Variants in SUZ12 observed in about 807,000 individuals in gnomAD.
SUZ12 encodes polycomb protein SUZ12.
Under a neutral mutation model 87.3 loss-of-function variants are expected in SUZ12, and 17 were observed. The observed-to-expected ratio is 0.19, with a 90% CI of 0.13 to 0.29. SUZ12 has a LOEUF of 0.29. Ranked by LOEUF, SUZ12 falls within the 10% of genes least tolerant of loss-of-function variation. SUZ12 has a pLI of 1.00. For synonymous variants in SUZ12, 253 were observed against 312.4 expected, an observed-to-expected ratio of 0.81 and a Z score of 2.01; for missense variants, 526 against 912.2, an observed-to-expected ratio of 0.58 and a Z score of 5.45.
At chr17:31,938,230 GAAAC>G (rs1185107256) in intron 1 of SUZ12, among the ~76,000 whole-genome samples, 3 of 152,188 alleles carry the variant, frequency 2.0e-5, no homozygotes, top group African/African-American at 4.8e-5. Flanking sequence ...AAGGTGTCTG[GAAAC>G]AAACAATAGA....
At chr17:31,978,374 A>C (rs1159231964) in intron 8 of SUZ12, among the ~76,000 whole-genome samples, 7 of 151,838 alleles carry the variant, frequency 4.6e-5, no homozygotes, top group Non-Finnish European at 7.4e-5. Flanking sequence ...ATGCCCAGCT[A>C]ATTTTTGTAT....
chr17:31,948,088 G>A (rs1415851591), intron 4 of SUZ12, among the ~76,000 whole-genome samples: 1 of 152,130 alleles, frequency 6.6e-6, no homozygotes, highest in African/African-American at 2.4e-5. Context: ...AAATATGAGA[G>A]GGGTTCTCTT....
intron 8 of SUZ12, among the ~76,000 whole-genome samples, chr17:31,981,964 AAG>A (rs1157254574): frequency 6.6e-6 from 1 of 152,202 alleles, no homozygotes; most frequent in African/African-American, 2.4e-5. Flanking sequence ...GAATTTCTCT[AAG>A]AGTGATGAAG....
chr17:31,954,125 C>T (rs533649777), intron 4 of SUZ12, among the ~76,000 whole-genome samples: 1 of 152,064 alleles, frequency 6.6e-6, no homozygotes, highest in African/African-American at 2.4e-5. Flanking sequence ...TGCAGTGGTG[C>T]CATCTCGGCT....
chr17:31,977,552 A>G (rs952131897), intron 8 of SUZ12, among the ~76,000 whole-genome samples: 4 of 151,304 alleles, frequency 2.6e-5, no homozygotes, highest in East Asian at 2.0e-4. Flanking sequence ...TGCTGGGATT[A>G]CAGGCGTGAG....
At chr17:31,982,342 G>T (rs534435205) in intron 8 of SUZ12, among the ~76,000 whole-genome samples, 1 of 150,270 alleles carries the variant, frequency 6.7e-6, no homozygotes, top group Non-Finnish European at 1.5e-5. Flanking sequence ...AGCATTGTTT[G>T]TAACACTATT....
At chr17:31,971,350 C>T (rs2627074) in intron 5 of SUZ12, among the ~76,000 whole-genome samples, 1 of 146,842 alleles carries the variant, frequency 6.8e-6, no homozygotes, top group East Asian at 2.0e-4. Flanking sequence ...TATCTTAATA[C>T]TTTTTCTAGT....
chr17:31,955,217 C>G (rs563980807), intron 4 of SUZ12, among the ~76,000 whole-genome samples: 191 of 152,230 alleles, frequency 1.3e-3, no homozygotes, highest in African/African-American at 4.4e-3. Context: ...ACCCTCCTGC[C>G]TTAGCCTCCT....
intron 8 of SUZ12, among the ~76,000 whole-genome samples, chr17:31,978,147 G>A (rs1567829733): frequency 6.6e-6 from 1 of 152,064 alleles, no homozygotes; most frequent in Non-Finnish European, 1.5e-5. Context: ...TTATTGTCAG[G>A]TATAGGACAA....
Position 32,000,076 on chromosome 17 carries a change from T to G in SUZ12, c.*1073T>G, listed in dbSNP as rs1048966883. On this transcript the variant is annotated 3_prime_UTR_variant, in exon 16 of 16. Transcript: ENST00000322652. The stretch of plus-strand genomic sequence containing the variant: ...CGCACATATTTGCAGTTGGATTTTC[T>G]CCAACAGAAAGTGGATTCACTACTG... 37 of 233,018 alleles carry G rather than the reference T, an allele frequency of 1.6e-4. No individual in the cohort carries two copies. The highest frequency in any genetic ancestry group is 8.2e-4 in the African/African-American group (37 of 45,328). The allele number at this position is 233,018 out of a possible 1,614,324, so 14.4% of individuals were successfully genotyped here.
chr17:31,938,624 A>G (rs1452121387), intron 1 of SUZ12, among the ~76,000 whole-genome samples: 2 of 152,228 alleles, frequency 1.3e-5, no homozygotes, highest in African/African-American at 2.4e-5. Flanking sequence ...ATTTCTTAGT[A>G]TACTTTGAAA....
chr17:31,963,486 A>G (rs1907868267), intron 4 of SUZ12, among the ~76,000 whole-genome samples: 1 of 144,886 alleles, frequency 6.9e-6, no homozygotes, highest in African/African-American at 2.6e-5. Context: ...GGTGGTTCTT[A>G]GGTATTTTTT....
In SUZ12 at chr17:31,988,368, A is replaced by G. The variant is rs775679142; in HGVS notation, c.1072A>G (p.Thr358Ala). The G allele has an allele frequency of 1.3e-5, 21 of 1,605,138 alleles. No homozygotes were observed. Among genetic ancestry groups the G allele is most frequent in the Non-Finnish European group, 1.7e-5 (20 of 1,177,236 alleles). Residue 358 changes from threonine to alanine, a missense_variant, in exon 10 of 16, where the codon ACT becomes GCT. Physicochemically the swap from Thr to Ala is moderately conservative, Grantham distance 58. Around this residue, in one of 9 missense-constraint regions of SUZ12, gnomAD observed 85 missense variants for 87.4 expected, o/e 0.97. Transcript: ENST00000322652. ...TFSQGPTLQFTLRWTGETNDK... is the reference protein window; with the variant it reads ...TFSQGPTLQFALRWTGETNDK... ...TTCTCAGGGACCTACGTTGCAGTTCACTCTTCGTTGGACAGGAGAGACCAA... is the reference window on the plus strand; with the variant it reads ...TTCTCAGGGACCTACGTTGCAGTTCGCTCTTCGTTGGACAGGAGAGACCAA...
chr17:31,992,794 G>T (rs113630418), intron 10 of SUZ12, among the ~76,000 whole-genome samples: 1 of 150,542 alleles, frequency 6.6e-6, no homozygotes, highest in Non-Finnish European at 1.5e-5. Flanking sequence ...TGCAACCTCC[G>T]CCTCCCGGGT....
chr17:31,987,844 A>G (rs1178549195), intron 9 of SUZ12, among the ~76,000 whole-genome samples: 1 of 152,090 alleles, frequency 6.6e-6, no homozygotes, highest in East Asian at 1.9e-4. Context: ...AGGCTGAGAC[A>G]GGAGAATTGC....
intron 9 of SUZ12, among the ~76,000 whole-genome samples, chr17:31,987,427 G>A (rs865977104): frequency 2.6e-5 from 4 of 152,200 alleles, no homozygotes; most frequent in Middle Eastern, 6.8e-3. Context: ...TGAGTGATTC[G>A]GTCAGATGGC....
intron 6 of SUZ12, among the ~76,000 whole-genome samples, chr17:31,974,703 TGG>T (rs544900513): frequency 1.3e-4 from 20 of 152,000 alleles, no homozygotes; most frequent in African/African-American, 4.8e-4. Flanking sequence ...GCGTAAGACC[TGG>T]GGGGGTGGGT....
At chr17:31,943,574 A>G (rs756705379) in intron 3 of SUZ12, among the ~76,000 whole-genome samples, 3 of 152,176 alleles carry the variant, frequency 2.0e-5, no homozygotes, top group Non-Finnish European at 4.4e-5. Context: ...TTATCTGTAA[A>G]AACCGTTCTT....
At chr17:31,956,409 G>A (rs1015713985) in intron 4 of SUZ12, among the ~76,000 whole-genome samples, 7 of 151,996 alleles carry the variant, frequency 4.6e-5, no homozygotes, top group African/African-American at 1.7e-4. Flanking sequence ...GGCCAGGATG[G>A]TCTTGATCTG....
Sources: allele counts gnomAD v4.1 joint callset (sites outside exome capture counted in the v4.1 genomes callset), GRCh38; gene constraint gnomAD v4.1.1; regional missense constraint gnomAD v4.1.1; transcripts MANE v1.5; gene names NCBI Gene and HGNC (gene_info 2026-07-23, HGNC 2026-07-21).